DOP1B: variants seen among roughly 807,000 people sequenced by gnomAD.
DOP1B encodes protein DOP1B.
DOP1B carries 174 observed loss-of-function variants against 233.5 expected under a neutral mutation model. The ratio of observed to expected loss-of-function variants is 0.75; its 90% confidence interval spans 0.66 to 0.85. The LOEUF (loss-of-function observed/expected upper bound fraction) is 0.85, where lower values mean the gene tolerates loss of function less well. DOP1B is among the 40% of genes least tolerant of loss of function. The probability of loss-of-function intolerance (pLI) is 0.00; values close to 1 mark genes in which losing one functional copy is unlikely to be tolerated. For synonymous variants in DOP1B, 1,190 were observed against 1,185.6 expected, an observed-to-expected ratio of 1.00 and a Z score of -0.08; for missense variants, 2,652 against 2,846.6, an observed-to-expected ratio of 0.93 and a Z score of 1.56.
chr21:36,226,309 T>C (rs891494438), intron 12 of DOP1B, among the ~76,000 whole-genome samples: 13 of 151,884 alleles, frequency 8.6e-5, no homozygotes, highest in Non-Finnish European at 1.3e-4. Flanking sequence ...TTTTTTTTTT[T>C]CTCCTGTGAC....
Position 36,226,989 on chromosome 21 carries a change from A to G in DOP1B, c.1474-697A>G, listed in dbSNP as rs182473480. On this transcript the variant is annotated intron_variant, in intron 12 of 36. Coordinates refer to ENST00000691173, the MANE Select transcript of DOP1B (RefSeq NM_001320714.2). ...GGGAGGCCGAGGTGGGCGGATCACAAGGTCAGGAGATTGAGACCACCCTGG... is the reference window on the plus strand; with the variant it reads ...GGGAGGCCGAGGTGGGCGGATCACAGGGTCAGGAGATTGAGACCACCCTGG... 4.5e-3 allele frequency among the ~76,000 whole-genome samples: 685 copies of G among 151,980 alleles called. 5 individuals carry two copies. The highest frequency in any genetic ancestry group is 0.016 in the African/African-American group (653 of 41,440).
Position 36,263,553 on chromosome 21 carries a change from G to C in DOP1B, c.5323G>C (p.Val1775Leu), listed in dbSNP as rs2067198256. ...FCYAFLQRLP[V>L]PALQENFSSL... is the part of the protein sequence containing the mutation. ...TATCTTTTAAAAAAACAGGCTCCCAGTACCAGCCTTGCAAGAGAACTTTTC... is the reference window on the plus strand; with the variant it reads ...TATCTTTTAAAAAAACAGGCTCCCACTACCAGCCTTGCAAGAGAACTTTTC... The change falls in exon 25 of 37, where the codon GTA becomes CTA. Residue 1775 changes from valine to leucine, a missense_variant. Physicochemically the swap from Val to Leu is conservative, Grantham distance 32 (BLOSUM62 1). Transcript: ENST00000691173. 6.2e-7 allele frequency: 1 copy of C among 1,613,910 alleles called. No homozygotes were observed. The highest frequency in any genetic ancestry group is 8.5e-7 in the Non-Finnish European group (1 of 1,179,952).
chr21:36,227,184 G>C (rs2066697448), intron 12 of DOP1B, among the ~76,000 whole-genome samples: 1 of 150,640 alleles, frequency 6.6e-6, no homozygotes, highest in South Asian at 2.1e-4. Flanking sequence ...CTCCAGCCTG[G>C]GTGACAGAGT....
At position 36,237,239 on chromosome 21, in the gene DOP1B, C is replaced by T. The variant is rs375953826; in HGVS notation, c.2623-23C>T. 39 of 1,614,068 alleles carry T rather than the reference C, an allele frequency of 2.4e-5. No homozygotes were observed. The East Asian group carries it at 3.1e-4, about 13-fold the overall frequency. On this transcript the variant is annotated intron_variant, in intron 15 of 36. Coordinates refer to ENST00000691173, the MANE Select transcript of DOP1B (RefSeq NM_001320714.2). ...TGCCTGTGTTGACCTGGTCCCCCAC[C>T]GCCTGCCTTTTCCTTGTCCCAGAGG...
chr21:36,208,623 T>C, intron 4 of DOP1B, 92 bp from the exon 5 acceptor site: 1 of 1,373,282 alleles, frequency 7.3e-7, no homozygotes, highest in Non-Finnish European at 9.9e-7. Flanking sequence ...GCGAATCCGC[T>C]GTGGTTCTTC....
intron 35 of DOP1B, 36 bp from the exon 36 acceptor site, chr21:36,292,068 T>C: frequency 6.4e-7 from 1 of 1,567,834 alleles, no homozygotes; most frequent in Non-Finnish European, 8.6e-7. Context: ...GAAGGCCTCT[T>C]ACCAGCAGAC....
chr21:36,229,634 C>A (rs1047382841), intron 13 of DOP1B, among the ~76,000 whole-genome samples: 1 of 150,848 alleles, frequency 6.6e-6, no homozygotes, highest in Non-Finnish European at 1.5e-5. Context: ...CAACCCATAA[C>A]GTACACTATT....
chr21:36,212,175 G>T, intron 7 of DOP1B, 78 bp downstream of exon 7: 1 of 1,451,810 alleles, frequency 6.9e-7, no homozygotes, highest in South Asian at 1.4e-5. Flanking sequence ...ATAAGATTTG[G>T]TCTTGGTGAT....
intron 35 of DOP1B, among the ~76,000 whole-genome samples, chr21:36,291,547 G>A (rs1415465815): frequency 6.6e-6 from 1 of 152,146 alleles, no homozygotes. Context: ...GCGACAGAAC[G>A]AGACTGTCTC....
intron 2 of DOP1B, among the ~76,000 whole-genome samples, chr21:36,167,937 TTTC>T (rs201568427): frequency 0.22 from 11,717 of 54,426 alleles, 1,655 homozygotes; most frequent in East Asian, 0.37. Context: ...TTCTTTTCTT[TTTC>T]TTTTTTTTTT....
At chr21:36,239,538 T>G (rs1051721792) in intron 17 of DOP1B, among the ~76,000 whole-genome samples, 7 of 152,116 alleles carry the variant, frequency 4.6e-5, no homozygotes, top group Non-Finnish European at 8.8e-5. Flanking sequence ...TATAACCCAT[T>G]TGGGGTGAGG....
At chr21:36,253,050 T>C (rs544103535) in intron 22 of DOP1B, among the ~76,000 whole-genome samples, 3 of 152,320 alleles carry the variant, frequency 2.0e-5, no homozygotes, top group African/African-American at 7.2e-5. Flanking sequence ...GCCACCCTCC[T>C]GAGCGCCTGT....
intron 2 of DOP1B, chr21:36,169,374 C>T (rs1720854028): frequency 1.1e-5 from 9 of 823,486 alleles, no homozygotes; most frequent in South Asian, 2.7e-5. Flanking sequence ...CCTTTCTGCC[C>T]AGCACATGCC....
At chr21:36,169,503 CT>C in intron 2 of DOP1B, 1 of 1,120,142 alleles carries the variant, frequency 8.9e-7, no homozygotes. Context: ...CCTTTGTAGC[CT>C]TTGCCCTTGG....
intron 30 of DOP1B, 120 bp from the exon 31 acceptor site, chr21:36,280,165 G>A (rs2067400404): frequency 1.4e-6 from 1 of 690,350 alleles, no homozygotes; most frequent in Non-Finnish European, 2.4e-6. Context: ...GTGAGCCACT[G>A]CACCTGGCCC....
intron 2 of DOP1B, among the ~76,000 whole-genome samples, chr21:36,191,266 A>C (rs1175892496): frequency 6.6e-6 from 1 of 152,006 alleles, no homozygotes; most frequent in African/African-American, 2.4e-5. Context: ...AAAAAAAAAA[A>C]AACAAAAAAC....
At chr21:36,290,648 G>A (rs946104692) in intron 35 of DOP1B, among the ~76,000 whole-genome samples, 3 of 152,122 alleles carry the variant, frequency 2.0e-5, no homozygotes, top group Non-Finnish European at 4.4e-5. Flanking sequence ...AAATTAGCTG[G>A]GCATGGTGGC....
chr21:36,268,968 G>T (rs942561171), intron 26 of DOP1B, among the ~76,000 whole-genome samples: 1 of 151,562 alleles, frequency 6.6e-6, no homozygotes, highest in Non-Finnish European at 1.5e-5. Flanking sequence ...GCGCCCGGCT[G>T]CAGTGAGTCT....
chr21:36,283,292 A>T (rs1326521305), intron 32 of DOP1B, among the ~76,000 whole-genome samples: 5 of 152,084 alleles, frequency 3.3e-5, no homozygotes, highest in Non-Finnish European at 5.9e-5. Context: ...CATGTTGGCC[A>T]GGCTGGTCGC....
Sources: gnomAD v4.1 joint callset for allele counts (sites outside exome capture counted in the v4.1 genomes callset) on GRCh38, gnomAD v4.1.1 for gene constraint, MANE v1.5 for transcripts, NCBI Gene and HGNC (gene_info 2026-07-23, HGNC 2026-07-21) for gene names.